The following IQCK variants were observed in gnomAD, a reference collection of about 807,000 sequenced individuals.
IQCK encodes the protein IQ domain-containing protein K.
A neutral mutation model predicts 28.1 loss-of-function variants in IQCK; 29 were observed. That is an observed-to-expected ratio of 1.03 (90% CI 0.77 to 1.41). The LOEUF (loss-of-function observed/expected upper bound fraction) is 1.41. Ranked by LOEUF, IQCK falls within the 40% of genes most tolerant of loss-of-function variation. IQCK has a pLI of 0.00. For synonymous variants in IQCK, 113 were observed against 115.1 expected (o/e 0.98, Z 0.12); for missense variants, 359 against 314.7 (o/e 1.14, Z -1.07).
At chr16:19,824,845 T>C (rs534232983) in intron 7 of IQCK, among the ~76,000 whole-genome samples, 5 of 152,194 alleles carry the variant, frequency 3.3e-5, no homozygotes, top group Admixed American at 2.0e-4. Context: ...CCAAGACTGT[T>C]TCACCATTCT....
At chr16:19,781,910 AC>A (rs1464913158) in intron 6 of IQCK, among the ~76,000 whole-genome samples, 12 of 151,706 alleles carry the variant, frequency 7.9e-5, no homozygotes, top group African/African-American at 2.7e-4. Context: ...AATTACTTGA[AC>A]CCGGGAGGCA....
intron 1 of IQCK, among the ~76,000 whole-genome samples, chr16:19,720,002 C>T (rs1320289662): frequency 1.3e-5 from 2 of 151,932 alleles, no homozygotes; most frequent in Non-Finnish European, 2.9e-5. Flanking sequence ...TTTAAATAGC[C>T]ACATTTGGAT....
intron 9 of IQCK, among the ~76,000 whole-genome samples, chr16:19,854,076 C>A (rs1793610846): frequency 6.6e-6 from 1 of 152,218 alleles, no homozygotes; most frequent in South Asian, 2.1e-4. Context: ...GTGTCTCAAC[C>A]CTGGCTGAAC....
At chr16:19,754,136 C>T (rs142294707) in intron 4 of IQCK, among the ~76,000 whole-genome samples, 6 of 152,200 alleles carry the variant, frequency 3.9e-5, no homozygotes, top group Non-Finnish European at 8.8e-5. Flanking sequence ...TAACCATCTG[C>T]ACCTACTGTC....
chr16:19,728,598 G>A (rs1035722812), intron 1 of IQCK, among the ~76,000 whole-genome samples: 1 of 152,134 alleles, frequency 6.6e-6, no homozygotes, highest in Non-Finnish European at 1.5e-5. Context: ...CAACCAATGA[G>A]CTTGGAAAAG....
At chr16:19,835,686 G>T (rs1169142333) in intron 9 of IQCK, among the ~76,000 whole-genome samples, 4 of 151,380 alleles carry the variant, frequency 2.6e-5, no homozygotes, top group African/African-American at 9.7e-5. Context: ...CCGGGTTCAA[G>T]TGATTCTCCT....
chr16:19,834,021 G>A (rs1347591082), intron 9 of IQCK, among the ~76,000 whole-genome samples: 1 of 152,154 alleles, frequency 6.6e-6, no homozygotes, highest in African/African-American at 2.4e-5. Flanking sequence ...CTAGGAACCC[G>A]AGGCTGCACT....
intron 4 of IQCK, among the ~76,000 whole-genome samples, chr16:19,743,169 T>TGAAA (rs2054860647): frequency 7.0e-6 from 1 of 143,424 alleles, no homozygotes; most frequent in South Asian, 2.4e-4. Flanking sequence ...AGATTCTGTC[T>TGAAA]CAAATAAATA....
chr16:19,767,489 A>G (rs573576911), intron 6 of IQCK, among the ~76,000 whole-genome samples: 30 of 152,176 alleles, frequency 2.0e-4, no homozygotes, highest in African/African-American at 7.0e-4. Flanking sequence ...TGCCCTGGCC[A>G]AACTCAGCCT....
In IQCK at chr16:19,858,195, A is replaced by G. The variant is rs1567205320; in HGVS notation, c.*1647A>G. ...CTTTTCAGGTGTAGTCATTAGAAAA[A>G]GAACAGCTCTCTCCCTTCTCCTCTC... On this transcript the variant is annotated 3_prime_UTR_variant, in exon 10 of 10. Transcript: ENST00000320394. The G allele has an allele frequency of 1.3e-5, 4 of 296,548 alleles. No homozygotes were observed. The South Asian group carries it at 4.7e-4, about 35-fold the overall frequency. The allele number at this position is 296,548 out of a possible 1,614,324, so 18.4% of individuals were successfully genotyped here.
At chr16:19,746,057 T>C (rs1354048282) in intron 4 of IQCK, among the ~76,000 whole-genome samples, 1 of 150,888 alleles carries the variant, frequency 6.6e-6, no homozygotes, top group Admixed American at 6.6e-5. Context: ...TAATCCCAGC[T>C]GCTCGGGAGG....
chr16:19,734,823 A>C (rs1011160424), intron 3 of IQCK, among the ~76,000 whole-genome samples: 2 of 151,470 alleles, frequency 1.3e-5, no homozygotes, highest in African/African-American at 4.9e-5. Flanking sequence ...AAACATCATC[A>C]TGCTTCCCTG....
chr16:19,779,991 T>A (rs1277554515), intron 6 of IQCK, among the ~76,000 whole-genome samples: 3 of 149,206 alleles, frequency 2.0e-5, no homozygotes, highest in Non-Finnish European at 4.4e-5. Context: ...TGCTGGGACC[T>A]TACAGGCGTG....
chr16:19,835,192 G>GGAGGTGGAGGTTGCAGT (rs892071402), intron 9 of IQCK, among the ~76,000 whole-genome samples: 2 of 152,066 alleles, frequency 1.3e-5, no homozygotes, highest in African/African-American at 2.4e-5. Context: ...GTGTGAACCA[G>GGAGGTGGAGGTTGCAGT]GAGGTGGAGG....
At chr16:19,780,556 G>C (rs564250421) in intron 6 of IQCK, among the ~76,000 whole-genome samples, 3 of 152,264 alleles carry the variant, frequency 2.0e-5, no homozygotes, top group South Asian at 4.1e-4. Flanking sequence ...ACAACTAACT[G>C]TCTACGATTC....
In IQCK at chr16:19,780,057, ATTTG is replaced by A. The variant is rs1325723806; in HGVS notation, c.606-8780_606-8777del. ...TATTTATTTATTTATTTATTTATTT[ATTTG>A]AGATGGAGTCTCGCTCTGTCATCCA... On this transcript the variant is annotated intron_variant, in intron 6 of 7. Coordinates refer to ENST00000564186, the Ensembl canonical transcript of IQCK. 7.1e-3 allele frequency among the ~76,000 whole-genome samples: 492 copies of A among 69,408 alleles called. 3 individuals carry two copies. The highest frequency in any genetic ancestry group is 0.03 in the African/African-American group (433 of 14,308). 45.5% of individuals were successfully genotyped at this position (69,408 alleles called of 152,430 possible).
chr16:19,841,837 T>A (rs2056365176), intron 9 of IQCK, among the ~76,000 whole-genome samples: 1 of 148,028 alleles, frequency 6.8e-6, no homozygotes, highest in East Asian at 2.1e-4. Flanking sequence ...TGTCTACCAT[T>A]GTAAGCCATC....
At chr16:19,806,493 C>T (rs992886783) in intron 7 of IQCK, among the ~76,000 whole-genome samples, 1 of 151,632 alleles carries the variant, frequency 6.6e-6, no homozygotes, top group Admixed American at 6.6e-5. Context: ...TGAGACTAGC[C>T]TGGGCAACAT....
intron 7 of IQCK, among the ~76,000 whole-genome samples, chr16:19,821,314 A>G (rs572241371): frequency 1.3e-5 from 2 of 152,378 alleles, no homozygotes; most frequent in East Asian, 3.9e-4. Flanking sequence ...TGATTCAGCC[A>G]CTGTGAAAAC....
Sources: gnomAD v4.1 joint callset for allele counts (sites outside exome capture counted in the v4.1 genomes callset) on GRCh38, gnomAD v4.1.1 for gene constraint, MANE v1.5 for transcripts, NCBI Gene and HGNC (gene_info 2026-07-23, HGNC 2026-07-21) for gene names.